The following DGKB variants were observed in gnomAD, a reference collection of about 807,000 sequenced individuals.
The protein encoded by DGKB is diacylglycerol kinase beta.
In DGKB, 67 loss-of-function variants were observed where a neutral mutation model predicts 114.3. That is an observed-to-expected ratio of 0.59 (90% CI 0.48 to 0.72). The LOEUF is 0.72. Among genes scored for constraint, DGKB ranks in the 30% least tolerant of loss-of-function variants. The probability of loss-of-function intolerance (pLI) is 0.00; values close to 1 mark genes in which losing one functional copy is unlikely to be tolerated. For synonymous variants in DGKB, 398 were observed against 323.1 expected (o/e 1.23, Z -2.49); for missense variants, 907 against 975.2 (o/e 0.93, Z 0.93).
intron 20 of DGKB, among the ~76,000 whole-genome samples, chr7:14,571,623 A>T (rs1167688501): frequency 6.6e-6 from 1 of 152,224 alleles, no homozygotes; most frequent in Non-Finnish European, 1.5e-5. Context: ...ACAAAAGAGG[A>T]TCCTAGTTAT....
intron 13 of DGKB, among the ~76,000 whole-genome samples, chr7:14,646,785 G>A (rs1395188475): frequency 6.6e-6 from 1 of 151,700 alleles, no homozygotes; most frequent in Admixed American, 6.6e-5. Context: ...AAAAATTCTT[G>A]AAGACATGAA....
intron 23 of DGKB, among the ~76,000 whole-genome samples, chr7:14,223,022 C>A (rs1292261751): frequency 6.6e-6 from 1 of 151,388 alleles, no homozygotes; most frequent in African/African-American, 2.4e-5. Flanking sequence ...TATTTTTTAT[C>A]TTGTAATCTA....
chr7:14,644,116 C>CAAAAA (rs35685758), intron 13 of DGKB, among the ~76,000 whole-genome samples: 3 of 138,862 alleles, frequency 2.2e-5, no homozygotes, highest in Admixed American at 7.3e-5. Context: ...TGATTACAGG[C>CAAAAA]AAAAAAAAAA....
intron 23 of DGKB, among the ~76,000 whole-genome samples, chr7:14,274,734 T>C (rs1798747454): frequency 1.3e-5 from 2 of 152,054 alleles, no homozygotes; most frequent in African/African-American, 4.8e-5. Flanking sequence ...ACTTTCTTCT[T>C]GTTGTGTTCT....
At chr7:14,796,687 T>TAA (rs59325137) in intron 2 of DGKB, among the ~76,000 whole-genome samples, 42,599 of 140,794 alleles carry the variant, frequency 0.3, 7,518 homozygotes, top group African/African-American at 0.49. Context: ...TTCTAGAAAG[T>TAA]AAAAAAAAAA....
intron 23 of DGKB, among the ~76,000 whole-genome samples, chr7:14,273,264 T>C (rs549425647): frequency 1.3e-5 from 2 of 152,222 alleles, no homozygotes; most frequent in South Asian, 2.1e-4. Flanking sequence ...GAGGATTGCT[T>C]AAGCCCAGGA....
intron 1 of DGKB, among the ~76,000 whole-genome samples, chr7:14,927,779 CATG>C (rs1784821139): frequency 6.6e-6 from 1 of 151,850 alleles, no homozygotes; most frequent in African/African-American, 2.4e-5. Context: ...TATTTCAAAA[CATG>C]ATAACAAGTT....
At chr7:14,247,943 C>A (rs1391742750) in intron 23 of DGKB, among the ~76,000 whole-genome samples, 1 of 151,932 alleles carries the variant, frequency 6.6e-6, no homozygotes. Flanking sequence ...TGACGAGTAG[C>A]TTTTCCTGAT....
chr7:14,233,130 C>G (rs1792174657), intron 23 of DGKB, among the ~76,000 whole-genome samples: 1 of 151,986 alleles, frequency 6.6e-6, no homozygotes, highest in African/African-American at 2.4e-5. Flanking sequence ...GAGGGGAACA[C>G]ACTGAAGATC....
intron 4 of DGKB, among the ~76,000 whole-genome samples, chr7:14,736,446 A>C (rs1001715550): frequency 6.8e-6 from 1 of 147,916 alleles, no homozygotes; most frequent in African/African-American, 2.4e-5. Context: ...TTCTATTTCC[A>C]CAGTATCTGT....
chr7:14,941,396 A>T (rs1785563796), intron 1 of DGKB, among the ~76,000 whole-genome samples: 1 of 152,150 alleles, frequency 6.6e-6, no homozygotes, highest in South Asian at 2.1e-4. Context: ...AATTAAAATT[A>T]GCTGAATGAA....
In DGKB at chr7:14,629,055, G is replaced by GT. The variant is rs149679361; in HGVS notation, c.1167+1180dup. On this transcript the variant is annotated intron_variant, in intron 14 of 25. Coordinates refer to ENST00000402815, the MANE Select transcript of DGKB (RefSeq NM_001350709.2). The stretch of plus-strand genomic sequence containing the variant: ...GAGATTAACAGATCTAAAGAGAAAA[G>GT]TTTAGATCTCAAATGCAATGCCTAT... Among the ~76,000 whole-genome samples the GT allele has an allele frequency of 4.7e-3, 720 of 152,134 alleles. 7 individuals are homozygous for GT. The highest frequency in any genetic ancestry group is 0.016 in the African/African-American group (666 of 41,516).
chr7:14,671,774 A>G (rs1167332612), intron 13 of DGKB, among the ~76,000 whole-genome samples: 1 of 152,160 alleles, frequency 6.6e-6, no homozygotes, highest in African/African-American at 2.4e-5. Context: ...GCCATATTTC[A>G]AAATAAGAAT....
chr7:14,270,467 C>T (rs1159756634), intron 23 of DGKB, among the ~76,000 whole-genome samples: 1 of 152,126 alleles, frequency 6.6e-6, no homozygotes, highest in African/African-American at 2.4e-5. Flanking sequence ...CCAATCAGCT[C>T]TAGATGGGGT....
intron 25 of DGKB, among the ~76,000 whole-genome samples, chr7:14,152,126 A>T (rs1440330259): frequency 6.6e-6 from 1 of 151,906 alleles, no homozygotes; most frequent in Non-Finnish European, 1.5e-5. Flanking sequence ...ATTACTCTTA[A>T]TTTTCTATCC....
chr7:14,264,535 A>G (rs548214767), intron 23 of DGKB, among the ~76,000 whole-genome samples: 1 of 152,318 alleles, frequency 6.6e-6, no homozygotes, highest in African/African-American at 2.4e-5. Context: ...ACTAGAGATT[A>G]TTAATGAACA....
intron 23 of DGKB, among the ~76,000 whole-genome samples, chr7:14,299,471 GTT>G (rs1423305781): frequency 1.3e-5 from 2 of 152,054 alleles, no homozygotes; most frequent in African/African-American, 4.8e-5. Flanking sequence ...TTAGTGAGAG[GTT>G]TTGAAGAAAA....
At chr7:14,530,643 A>G (rs772577979) in intron 20 of DGKB, among the ~76,000 whole-genome samples, 1 of 151,508 alleles carries the variant, frequency 6.6e-6, no homozygotes, top group Non-Finnish European at 1.5e-5. Flanking sequence ...TACCCATTAT[A>G]TCGAATTCCT....
intron 25 of DGKB, among the ~76,000 whole-genome samples, chr7:14,157,215 A>G (rs1783145707): frequency 1.3e-5 from 2 of 152,170 alleles, no homozygotes; most frequent in Non-Finnish European, 2.9e-5. Flanking sequence ...TGATTCTGGA[A>G]TAAGATTGTC....
Sources: gnomAD v4.1 joint callset for allele counts (sites outside exome capture counted in the v4.1 genomes callset) on GRCh38, gnomAD v4.1.1 for gene constraint, MANE v1.5 for transcripts, NCBI Gene and HGNC (gene_info 2026-07-23, HGNC 2026-07-21) for gene names.